NOS1: variants seen among roughly 807,000 people sequenced by gnomAD.
The protein encoded by NOS1 is NOS type I.
Under a neutral mutation model 164.5 loss-of-function variants are expected in NOS1, and 51 were observed. The observed-to-expected ratio is 0.31, with a 90% confidence interval of 0.25 to 0.39. The LOEUF is 0.39. Ranked by LOEUF, NOS1 falls within the 10% of genes least tolerant of loss-of-function variation. The pLI, the probability that NOS1 is intolerant of heterozygous loss-of-function variation, is 1.00. For missense variants in NOS1, 1,362 were observed against 1,885.6 expected (o/e 0.72, Z 5.14); for synonymous variants, 719 against 745.8 (o/e 0.96, Z 0.59).
rs34474757 is a variant in NOS1, at chr12:117,233,034, C to CTTTTTTTTTTT, written c.3236-914_3236-904dup. On this transcript the variant is annotated intron_variant, in intron 21 of 28. Coordinates refer to ENST00000317775, the MANE Select transcript of NOS1 (RefSeq NM_000620.5). ...AGACGTGTGCCATCATGCCTCACTA[C>CTTTTTTTTTTT]TTTTTTTTTTTTTTTTTTTTTTGAG... 4.5e-5 allele frequency among the ~76,000 whole-genome samples: 4 copies of CTTTTTTTTTTT among 88,370 alleles called. 1 individual carries two copies. Among genetic ancestry groups the CTTTTTTTTTTT allele is most frequent in the Admixed American group, 3.4e-4 (2 of 5,890 alleles). The allele number at this position is 88,370 out of a possible 152,430, so 58.0% of individuals were successfully genotyped here. A position where few individuals can be genotyped will look rare whatever the true frequency, so the allele number is the denominator to read the frequency against.
rs41475345 is a variant in NOS1, at chr12:117,234,094, G to A, written c.3235+471C>T. Among the ~76,000 whole-genome samples, 1,164 of 152,202 alleles carry A rather than the reference G, an allele frequency of 7.6e-3. 12 individuals carry two copies. Among genetic ancestry groups the A allele is most frequent in the African/African-American group, 0.026 (1,098 of 41,536 alleles). On this transcript the variant is annotated intron_variant, in intron 21 of 28. Transcript: ENST00000317775. The surrounding 1 kb of genome is among the most constrained non-coding windows in gnomAD (Gnocchi z 4.3). Reference sequence around the variant, plus strand: ...GTCAAGGATGGACACTTAAGCAGGCGAGAACTTGACCTAATGAGGTAAAAA... The same window carrying A: ...GTCAAGGATGGACACTTAAGCAGGCAAGAACTTGACCTAATGAGGTAAAAA...
intron 22 of NOS1, among the ~76,000 whole-genome samples, chr12:117,229,169 A>T (rs931388718): frequency 5.3e-5 from 8 of 152,240 alleles, no homozygotes; most frequent in Admixed American, 4.6e-4. Flanking sequence ...CAGGAGCAAC[A>T]TGGACCAAGA....
At position 117,308,544 on chromosome 12, in the gene NOS1, CAACA is replaced by C. The variant is rs1007213396; in HGVS notation, c.852+2918_852+2921del. The stretch of plus-strand genomic sequence containing the variant: ...CAGAGCAAGACCTGTCTCTAAAAAA[CAACA>C]AACAAACAAAAAAAAAACAGCGTAT... On this transcript the variant is annotated intron_variant, in intron 3 of 28. Coordinates refer to ENST00000317775, the MANE Select transcript of NOS1 (RefSeq NM_000620.5). Among the ~76,000 whole-genome samples, 11 of 149,332 alleles carry C rather than the reference CAACA, an allele frequency of 7.4e-5. No homozygotes were observed. In the South Asian group the frequency reaches 1.1e-3, roughly 14 times the overall value.
chr12:117,216,671 G>T (rs1956616390), intron 28 of NOS1, among the ~76,000 whole-genome samples: 1 of 151,952 alleles, frequency 6.6e-6, no homozygotes, highest in South Asian at 2.1e-4. Context: ...TAGAGACAGG[G>T]TCTCCTTGCG....
chr12:117,242,797 T>C, intron 19 of NOS1, 92 bp from the exon 20 acceptor site: 1 of 1,109,914 alleles, frequency 9.0e-7, no homozygotes, highest in East Asian at 2.4e-5. Flanking sequence ...ACGCCCATAA[T>C]CCCAACTACT....
chr12:117,238,450 G>A lies in NOS1; in HGVS notation c.3042-3692C>T, dbSNP rs941660669. 1.4e-4 allele frequency among the ~76,000 whole-genome samples: 22 copies of A among 152,236 alleles called. No homozygotes were observed. The East Asian group carries it at 2.3e-3, about 16-fold the overall frequency. On this transcript the variant is annotated intron_variant, in intron 20 of 28. Transcript: ENST00000317775. ...TCTATAAACCCCCCTGCATTTCACC[G>A]TGGATCTGGCAACCCATTTCTCCAG...
In NOS1 at chr12:117,218,117, C is replaced by A. The variant is rs371535616; in HGVS notation, c.4218G>T (p.Thr1406=). 1 of 1,614,144 alleles carries A rather than the reference C, an allele frequency of 6.2e-7. No homozygotes were observed. The highest frequency in any genetic ancestry group is 8.5e-7 in the Non-Finnish European group (1 of 1,180,016). The change falls in exon 28 of 29, where the codon ACG becomes ACT. Residue 1406 remains threonine, a synonymous_variant. Transcript: ENST00000317775. Reference sequence around the variant, plus strand: ...ATCTAAGGCGGTTGGTCACTTCGTACGTTCGCAGGGTGACTCCAAAAATAT... The same window carrying A: ...ATCTAAGGCGGTTGGTCACTTCGTAAGTTCGCAGGGTGACTCCAAAAATAT... ...HEDIFGVTLR[T]YEVTNRLRSE...
rs1872143677 is a variant in NOS1 at position 117,263,878 on chromosome 12, A to G, written c.2222+11T>C. 3.1e-6 allele frequency: 5 copies of G among 1,612,336 alleles called. No individual in the cohort carries two copies. The highest frequency in any genetic ancestry group is 4.2e-6 in the Non-Finnish European group (5 of 1,178,492). On this transcript the variant is annotated intron_variant, in intron 13 of 28. Coordinates refer to ENST00000317775, the MANE Select transcript of NOS1 (RefSeq NM_000620.5). ...GACATCCACCCCACCCGCCCACTGCACGAAACTTACTCTGCTAGCTTCTTG... is the reference window on the plus strand; with the variant it reads ...GACATCCACCCCACCCGCCCACTGCGCGAAACTTACTCTGCTAGCTTCTTG...
rs974270100 is a variant in NOS1 at position 117,234,506 on chromosome 12, C to T, written c.3235+59G>A. The T allele has an allele frequency of 1.4e-5, 21 of 1,542,868 alleles. No homozygotes were observed. Among genetic ancestry groups the T allele is most frequent in the African/African-American group, 1.1e-4 (8 of 73,394 alleles). ...TTGGGAAGAAAAGGTATCTTCTTCCCGAGACACCCACTGCCTCTGCAGCTC... is the reference window on the plus strand; with the variant it reads ...TTGGGAAGAAAAGGTATCTTCTTCCTGAGACACCCACTGCCTCTGCAGCTC... On this transcript the variant is annotated intron_variant, in intron 21 of 28. Coordinates refer to ENST00000317775, the MANE Select transcript of NOS1 (RefSeq NM_000620.5). The surrounding 1 kb of genome is among the most constrained non-coding windows in gnomAD (Gnocchi z 4.3).
At chr12:117,323,400 A>G (rs1875082469) in intron 2 of NOS1, among the ~76,000 whole-genome samples, 1 of 152,266 alleles carries the variant, frequency 6.6e-6, no homozygotes, top group African/African-American at 2.4e-5. Flanking sequence ...CTAGAAGCCA[A>G]GTGCACTGTG....
intron 2 of NOS1, among the ~76,000 whole-genome samples, chr12:117,328,416 G>A (rs758936807): frequency 7.9e-5 from 12 of 152,122 alleles, no homozygotes; most frequent in Non-Finnish European, 1.3e-4. Context: ...TGATCTGCTC[G>A]TCTCAGCCTC....
At chr12:117,296,524 C>T (rs1272548284) in intron 3 of NOS1, among the ~76,000 whole-genome samples, 1 of 152,184 alleles carries the variant, frequency 6.6e-6, no homozygotes, top group Non-Finnish European at 1.5e-5. Context: ...TGGATGCTTC[C>T]TGCGCTTGAA....
At chr12:117,324,736 T>TAA (rs1050418287) in intron 2 of NOS1, among the ~76,000 whole-genome samples, 4 of 151,830 alleles carry the variant, frequency 2.6e-5, no homozygotes, top group African/African-American at 9.7e-5. Flanking sequence ...AATAAATAAA[T>TAA]AAAGTGACTG....
chr12:117,242,819 G>C, intron 19 of NOS1, 114 bp from the exon 20 acceptor site: 1 of 869,634 alleles, frequency 1.1e-6, no homozygotes, highest in Non-Finnish European at 1.9e-6. Flanking sequence ...AGGAGGCTGA[G>C]GTGGGAGGAT....
At chr12:117,264,046 G>A (rs1592964898) in intron 12 of NOS1, 72 bp from the exon 13 acceptor site, 1 of 1,165,612 alleles carries the variant, frequency 8.6e-7, no homozygotes, top group Non-Finnish European at 1.3e-6. Flanking sequence ...GGGATGCTCA[G>A]GACCACCTGG....
intron 17 of NOS1, among the ~76,000 whole-genome samples, chr12:117,250,952 C>T (rs1217915121): frequency 6.6e-6 from 1 of 152,188 alleles, no homozygotes; most frequent in Non-Finnish European, 1.5e-5. Context: ...TTTAATTTTT[C>T]CTCACTAGCT....
intron 20 of NOS1, among the ~76,000 whole-genome samples, chr12:117,239,147 T>C (rs1869961586): frequency 6.6e-6 from 1 of 152,240 alleles, no homozygotes; most frequent in Non-Finnish European, 1.5e-5. Flanking sequence ...TGTCCTCTGT[T>C]GAGACTGGGA....
At chr12:117,229,813 G>A (rs972157438) in intron 22 of NOS1, among the ~76,000 whole-genome samples, 11 of 152,160 alleles carry the variant, frequency 7.2e-5, no homozygotes, top group East Asian at 1.9e-4. Context: ...GGGCCCGAAC[G>A]CCTGACCTCA....
chr12:117,232,668 C>G (rs1237109347), intron 21 of NOS1, among the ~76,000 whole-genome samples: 1 of 149,814 alleles, frequency 6.7e-6, no homozygotes, highest in Non-Finnish European at 1.5e-5. Flanking sequence ...TGCCCGAGAT[C>G]ACACAGCTCA....
Sources: allele counts gnomAD v4.1 joint callset (sites outside exome capture counted in the v4.1 genomes callset), GRCh38; gene constraint gnomAD v4.1.1; non-coding constraint Gnocchi (gnomAD v3.1); transcripts MANE v1.5; gene names NCBI Gene and HGNC (gene_info 2026-07-23, HGNC 2026-07-21).